REL: variants seen among roughly 807,000 people sequenced by gnomAD.
REL encodes the protein REL proto-oncogene, NF-kB subunit.
In REL, 15 loss-of-function variants were observed where a neutral mutation model predicts 45.9. The ratio of observed to expected loss-of-function variants is 0.33; its 90% CI spans 0.22 to 0.50. REL has a LOEUF of 0.50. Ranked by LOEUF, REL falls within the 20% of genes least tolerant of loss-of-function variation. The pLI is 0.98. For synonymous variants in REL, 239 were observed against 242.1 expected, an observed-to-expected ratio of 0.99 and a Z score of 0.12; for missense variants, 601 against 715.2, an observed-to-expected ratio of 0.84 and a Z score of 1.82.
At chr2:60,905,525 G>C (rs1168042852) in intron 4 of REL, among the ~76,000 whole-genome samples, 1 of 152,016 alleles carries the variant, frequency 6.6e-6, no homozygotes, top group Non-Finnish European at 1.5e-5. Context: ...GGCTGGTATG[G>C]GTCCTGGGAA....
intron 4 of REL, among the ~76,000 whole-genome samples, chr2:60,916,080 T>C (rs573061871): frequency 1.6e-4 from 25 of 152,246 alleles, no homozygotes; most frequent in Non-Finnish European, 2.9e-4. Context: ...ATTTCCACCC[T>C]GTCACTGTGA....
rs963457080 is a variant in REL, at chr2:60,926,974, T to A, written c.*4439T>A. On this transcript the variant is annotated 3_prime_UTR_variant, in exon 10 of 10. Transcript: ENST00000394479. ...AAAAAACAATTCTCTCAGGCCTCCATACCTTTAGCATGTTACCCACTCTGC... is the reference window on the plus strand; with the variant it reads ...AAAAAACAATTCTCTCAGGCCTCCAAACCTTTAGCATGTTACCCACTCTGC... 7 of 225,008 alleles carry A rather than the reference T, an allele frequency of 3.1e-5. No homozygotes were observed. Among genetic ancestry groups the A allele is most frequent in the African/African-American group, 1.1e-4 (5 of 44,898 alleles). 13.9% of individuals were successfully genotyped at this position (225,008 alleles called of 1,614,324 possible).
intron 4 of REL, among the ~76,000 whole-genome samples, chr2:60,904,889 C>G (rs1022094147): frequency 6.6e-6 from 1 of 152,038 alleles, no homozygotes; most frequent in African/African-American, 2.4e-5. Flanking sequence ...GACCCCGTCT[C>G]TAAGTAAAGA....
Position 60,922,074 on chromosome 2 carries a change from G to C in REL, c.1303G>C (p.Asp435His). Residue 435 changes from aspartate (D) to histidine (H), a missense_variant, in exon 10 of 10, where the codon GAT becomes CAT. Physicochemically the swap from Asp to His is moderately conservative, Grantham distance 81. Transcript: ENST00000394479. ...TAATGCTTGCATTTACAACAATGCC[G>C]ATGACATAGTCGGAATGGAAGCGTC... The part of the protein sequence containing the change: ...ASNACIYNNA[D>H]DIVGMEASSM... 2 of 1,614,120 alleles carry C rather than the reference G, an allele frequency of 1.2e-6. No individual in the cohort carries two copies. The highest frequency in any genetic ancestry group is 1.7e-6 in the Non-Finnish European group (2 of 1,179,986).
chr2:60,913,674 G>A (rs1216717905), intron 4 of REL, among the ~76,000 whole-genome samples: 4 of 152,060 alleles, frequency 2.6e-5, no homozygotes, highest in East Asian at 1.9e-4. Context: ...AAATTGTCAG[G>A]CTATATTCAG....
At chr2:60,903,204 C>G (rs535999784) in intron 4 of REL, among the ~76,000 whole-genome samples, 10 of 152,254 alleles carry the variant, frequency 6.6e-5, no homozygotes, top group African/African-American at 2.2e-4. Flanking sequence ...TTTATTTAAT[C>G]GTTGGAACAA....
chr2:60,904,527 C>A (rs990759254), intron 4 of REL, among the ~76,000 whole-genome samples: 4 of 151,344 alleles, frequency 2.6e-5, no homozygotes, highest in Admixed American at 1.3e-4. Flanking sequence ...GCCGAGATCA[C>A]GCCATTGGAC....
At chr2:60,912,998 A>G (rs905628151) in intron 4 of REL, among the ~76,000 whole-genome samples, 1 of 152,178 alleles carries the variant, frequency 6.6e-6, no homozygotes, top group South Asian at 2.1e-4. Context: ...TTGGTAGACT[A>G]TGTTGGTAAA....
In REL at chr2:60,923,057, C is replaced by T. The variant is rs1358435812; in HGVS notation, c.*522C>T. The T allele has an allele frequency of 6.1e-6, 1 of 163,316 alleles. No homozygotes were observed. The highest frequency in any genetic ancestry group is 1.3e-5 in the Non-Finnish European group (1 of 75,618). 10.1% of individuals were successfully genotyped at this position (163,316 alleles called of 1,614,324 possible). The stretch of plus-strand genomic sequence containing the variant: ...AGACTCTGTCTCAAAAAAAAAAAAA[C>T]AAAAAAAACACACTTTTTTATATTT... On this transcript the variant is annotated 3_prime_UTR_variant, in exon 10 of 10. Transcript: ENST00000394479.
At chr2:60,887,013 C>T (rs1489177427) in intron 1 of REL, among the ~76,000 whole-genome samples, 1 of 152,076 alleles carries the variant, frequency 6.6e-6, no homozygotes, top group Non-Finnish European at 1.5e-5. Flanking sequence ...TGGTGCTTTT[C>T]AAAACTGTGG....
Position 60,929,845 on chromosome 2 carries a change from GAAAA to G in REL, c.*7312_*7315del, listed in dbSNP as rs1294714786. 1 of 150,000 alleles carries G rather than the reference GAAAA, an allele frequency of 6.7e-6. No individual in the cohort carries two copies. Among genetic ancestry groups the G allele is most frequent in the African/African-American group, 2.4e-5 (1 of 40,970 alleles). The allele number at this position is 150,000 out of a possible 1,614,324, so 9.3% of individuals were successfully genotyped here. The stretch of plus-strand genomic sequence containing the variant: ...AAAAAATAAATAAATAAATAAATAA[GAAAA>G]AGAAAGCCAGGCATGGTGACATGTG... On this transcript the variant is annotated 3_prime_UTR_variant, in exon 10 of 10. Transcript: ENST00000394479.
At chr2:60,914,985 C>G (rs1673923625) in intron 4 of REL, among the ~76,000 whole-genome samples, 1 of 152,074 alleles carries the variant, frequency 6.6e-6, no homozygotes, top group South Asian at 2.1e-4. Flanking sequence ...GCGCCCGCCA[C>G]CACGCCTGGC....
rs1674257143 is a variant in REL, at chr2:60,925,920, A to G, written c.*3385A>G. On this transcript the variant is annotated 3_prime_UTR_variant, in exon 10 of 10. Coordinates refer to ENST00000394479, the MANE Select transcript of REL (RefSeq NM_001291746.2). ...TGTTGGCTAGTTTTGCGGTGTAAGC[A>G]GAATTAAGGTTCTGCTACCTCTGTG... 1 of 226,052 alleles carries G rather than the reference A, an allele frequency of 4.4e-6. No homozygotes were observed. The highest frequency in any genetic ancestry group is 8.8e-6 in the Non-Finnish European group (1 of 113,268). 14.0% of individuals were successfully genotyped at this position (226,052 alleles called of 1,614,324 possible). A position where few individuals can be genotyped will look rare whatever the true frequency, so the allele number is the denominator to read the frequency against.
At position 60,921,754 on chromosome 2, in the gene REL, C is replaced by A; in HGVS notation, c.992-9C>A. 6.4e-7 allele frequency: 1 copy of A among 1,551,316 alleles called. No homozygotes were observed. On this transcript the variant is annotated splice_polypyrimidine_tract_variant and intron_variant, in intron 9 of 9. Transcript: ENST00000394479. ...TTTAATTTCGTAAAATAAATTTTTC[C>A]TCCCACAGAACCAAACTTGTTTTCT... is the stretch of plus-strand genomic sequence containing the variant.
intron 4 of REL, 67 bp downstream of exon 4, chr2:60,901,150 C>CCT: frequency 3.3e-6 from 3 of 913,510 alleles, no homozygotes; most frequent in Non-Finnish European, 4.0e-6. Context: ...TTTTCTTTCT[C>CCT]TTTTTTTTTT....
At position 60,881,721 on chromosome 2, in the gene REL, GTGGT is replaced by G; in HGVS notation, c.-119_-116del. On this transcript the variant is annotated 5_prime_UTR_variant, in exon 1 of 10. Coordinates refer to ENST00000394479, the MANE Select transcript of REL (RefSeq NM_001291746.2). ...CGGGAAGAAGGAGGAGGCCTCTAGG[GTGGT>G]CGGGGGACTGGGGGCCCCGCCGGCA... The G allele has an allele frequency of 1.3e-6, 1 of 778,196 alleles. No homozygotes were observed. Among genetic ancestry groups the G allele is most frequent in the East Asian group, 3.0e-5 (1 of 32,982 alleles). 48.2% of individuals were successfully genotyped at this position (778,196 alleles called of 1,614,324 possible).
In REL at chr2:60,922,334, T is replaced by C; in HGVS notation, c.1563T>C (p.Thr521=). The part of the protein sequence containing the change: ...SMSAGANSNT[T]VFVSQSDAFE... ...CAGCAGGCGCCAATTCCAATACTAC[T>C]GTTTTTGTTTCACAATCAGATGCAT... The change falls in exon 10 of 10, where the codon ACT becomes ACC. Residue 521 remains threonine, a synonymous_variant. Transcript: ENST00000394479. 1.2e-6 allele frequency: 2 copies of C among 1,614,164 alleles called. No individual in the cohort carries two copies. Among genetic ancestry groups the C allele is most frequent in the Non-Finnish European group, 1.7e-6 (2 of 1,180,006 alleles).
intron 1 of REL, among the ~76,000 whole-genome samples, chr2:60,888,969 C>G (rs1362651518): frequency 6.6e-6 from 1 of 152,094 alleles, no homozygotes; most frequent in African/African-American, 2.4e-5. Context: ...TTTCTTTTTT[C>G]TATCTGTTCA....
intron 4 of REL, among the ~76,000 whole-genome samples, chr2:60,913,852 A>T (rs573508796): frequency 6.6e-6 from 1 of 152,318 alleles, no homozygotes; most frequent in African/African-American, 2.4e-5. Flanking sequence ...ATTATCATCT[A>T]TCATTACCAA....
Sources: allele counts gnomAD v4.1 joint callset (sites outside exome capture counted in the v4.1 genomes callset), GRCh38; gene constraint gnomAD v4.1.1; transcripts MANE v1.5; gene names NCBI Gene and HGNC (gene_info 2026-07-23, HGNC 2026-07-21).